Variants in LINGO2 observed in about 807,000 individuals in gnomAD.
LINGO2 encodes the protein leucine-rich repeat and immunoglobulin-like domain-containing nogo receptor-interacting protein 2.
Under a neutral mutation model 30.6 loss-of-function variants are expected in LINGO2, and 14 were observed. That is an observed-to-expected ratio of 0.46 (90% CI 0.30 to 0.72). The LOEUF is 0.72. Among genes scored for constraint, LINGO2 ranks in the 30% least tolerant of loss-of-function variants. The probability of loss-of-function intolerance (pLI) is 0.07; values close to 1 mark genes in which losing one functional copy is unlikely to be tolerated. For missense variants in LINGO2, 729 were observed against 751.7 expected (o/e 0.97, Z 0.35); for synonymous variants, 317 against 288.5 (o/e 1.10, Z -1.00).
the LINGO2 span, among the ~76,000 whole-genome samples, chr9:28,737,114 A>G: frequency 6.6e-6 from 1 of 152,210 alleles, no homozygotes; most frequent in Non-Finnish European, 1.5e-5. Context: ...AGAAGCTTAT[A>G]GTTTCTGCTT....
intron 5 of LINGO2, among the ~76,000 whole-genome samples, chr9:27,975,184 A>C (rs368377234): frequency 1.3e-5 from 2 of 152,126 alleles, no homozygotes; most frequent in African/African-American, 2.4e-5. Flanking sequence ...TCGAATCCAC[A>C]TTTTTTGGTT....
intron 4 of LINGO2, among the ~76,000 whole-genome samples, chr9:28,161,443 C>G (rs965494575): frequency 3.3e-5 from 5 of 151,814 alleles, no homozygotes; most frequent in African/African-American, 1.2e-4. Context: ...TTTTTTCATT[C>G]AGTAATAAGT....
At chr9:28,216,695 T>C (rs1461969479) in intron 4 of LINGO2, among the ~76,000 whole-genome samples, 3 of 151,926 alleles carry the variant, frequency 2.0e-5, no homozygotes, top group African/African-American at 7.2e-5. Context: ...TGGGATTTTT[T>C]CCCCCTAAAT....
the LINGO2 span, among the ~76,000 whole-genome samples, chr9:29,098,512 C>G: frequency 6.6e-6 from 1 of 151,604 alleles, no homozygotes; most frequent in Non-Finnish European, 1.5e-5. Flanking sequence ...TGAGGGGTAT[C>G]AAGAAGTAGA....
chr9:29,135,704 TAG>T, the LINGO2 span, among the ~76,000 whole-genome samples: 2 of 152,136 alleles, frequency 1.3e-5, no homozygotes, highest in African/African-American at 2.4e-5. Context: ...TACAGATCAA[TAG>T]AGTTATGCAA....
the LINGO2 span, among the ~76,000 whole-genome samples, chr9:29,089,170 G>A: frequency 0.23 from 34,939 of 151,150 alleles, 4,553 homozygotes; most frequent in African/African-American, 0.35. Context: ...AAATTCATTG[G>A]GCTTACACTA....
At chr9:28,790,966 CTGAT>C in the LINGO2 span, among the ~76,000 whole-genome samples, 1 of 152,038 alleles carries the variant, frequency 6.6e-6, no homozygotes, top group Non-Finnish European at 1.5e-5. Context: ...TCTTATAAGA[CTGAT>C]TGAAAATCAG....
chr9:28,105,985 C>T (rs1447376284), intron 4 of LINGO2, among the ~76,000 whole-genome samples: 4 of 152,086 alleles, frequency 2.6e-5, no homozygotes, highest in Non-Finnish European at 5.9e-5. Flanking sequence ...GGCTGGCTAG[C>T]AAGCATTACC....
chr9:29,053,476 G>T, the LINGO2 span, among the ~76,000 whole-genome samples: 1 of 152,100 alleles, frequency 6.6e-6, no homozygotes, highest in African/African-American at 2.4e-5. Context: ...ACGAGTTAAT[G>T]GGTGCAGCAC....
At chr9:28,610,891 T>C (rs539012688) in intron 1 of LINGO2, among the ~76,000 whole-genome samples, 11 of 152,282 alleles carry the variant, frequency 7.2e-5, no homozygotes, top group African/African-American at 2.6e-4. Flanking sequence ...ATCTCTAACA[T>C]TTTATTTTTT....
intron 4 of LINGO2, among the ~76,000 whole-genome samples, chr9:28,052,872 T>A (rs552995399): frequency 6.6e-6 from 1 of 152,236 alleles, no homozygotes; most frequent in Non-Finnish European, 1.5e-5. Context: ...AATTTGGACT[T>A]GCAATATCTA....
At chr9:28,819,938 C>T in the LINGO2 span, among the ~76,000 whole-genome samples, 5 of 152,178 alleles carry the variant, frequency 3.3e-5, 1 homozygote, top group Non-Finnish European at 7.3e-5. Context: ...ACACCTACCA[C>T]TCCTCCTCAC....
intron 4 of LINGO2, among the ~76,000 whole-genome samples, chr9:28,258,067 C>G (rs904468071): frequency 6.6e-6 from 1 of 151,874 alleles, no homozygotes; most frequent in African/African-American, 2.4e-5. Flanking sequence ...GAAGACCAAC[C>G]TGAGCAGGCA....
the LINGO2 span, among the ~76,000 whole-genome samples, chr9:28,775,637 T>A: frequency 6.6e-6 from 1 of 152,164 alleles, no homozygotes; most frequent in African/African-American, 2.4e-5. Context: ...TTCAATGAAC[T>A]TACATGAGTC....
chr9:28,916,968 G>C, the LINGO2 span, among the ~76,000 whole-genome samples: 2 of 152,140 alleles, frequency 1.3e-5, no homozygotes, highest in Non-Finnish European at 2.9e-5. Context: ...TATATGTAAG[G>C]ATTTTGGAAG....
the LINGO2 span, among the ~76,000 whole-genome samples, chr9:29,055,936 G>GTATATATATATATATATATACA: frequency 8.2e-6 from 1 of 121,862 alleles, no homozygotes; most frequent in Admixed American, 8.2e-5. Flanking sequence ...GTGTATGTGT[G>GTATATATATATATATATATACA]TGTGTATATA....
At chr9:28,668,449 T>G in intron 1 of LINGO2, among the ~76,000 whole-genome samples, 1 of 152,256 alleles carries the variant, frequency 6.6e-6, no homozygotes, top group South Asian at 2.1e-4. Context: ...CATATGGATT[T>G]GATTTTTTTT....
chr9:28,367,935 TG>T (rs1420231079), intron 3 of LINGO2, among the ~76,000 whole-genome samples: 2 of 152,124 alleles, frequency 1.3e-5, no homozygotes, highest in Admixed American at 6.6e-5. Flanking sequence ...TTCAACTTTC[TG>T]GAAACTCTCC....
the LINGO2 span, among the ~76,000 whole-genome samples, chr9:28,716,323 A>G: frequency 6.6e-6 from 1 of 152,030 alleles, no homozygotes; most frequent in Non-Finnish European, 1.5e-5. Flanking sequence ...AAGCAGAAAG[A>G]GGGATGGAGT....
Sources: gnomAD v4.1 joint callset for allele counts (sites outside exome capture counted in the v4.1 genomes callset) on GRCh38, gnomAD v4.1.1 for gene constraint, MANE v1.5 for transcripts, NCBI Gene and HGNC (gene_info 2026-07-23, HGNC 2026-07-21) for gene names.